Variants in EVA1C observed in about 807,000 individuals in gnomAD.
EVA1C encodes eva-1 homolog C.
EVA1C carries 25 observed loss-of-function variants against 45.4 expected under a neutral mutation model. The ratio of observed to expected loss-of-function variants is 0.55; its 90% confidence interval spans 0.40 to 0.77. The LOEUF (loss-of-function observed/expected upper bound fraction) is 0.77, where lower values mean the gene tolerates loss of function less well. Among genes scored for constraint, EVA1C ranks in the 30% least tolerant of loss-of-function variants. The probability of loss-of-function intolerance (pLI) is 0.00; values close to 1 mark genes in which losing one functional copy is unlikely to be tolerated. For synonymous variants in EVA1C, 190 were observed against 221.2 expected (o/e 0.86, Z 1.25); for missense variants, 479 against 554.8 (o/e 0.86, Z 1.37).
At chr21:32,433,738 C>T (rs1322150631) in intron 1 of EVA1C, among the ~76,000 whole-genome samples, 1 of 152,102 alleles carries the variant, frequency 6.6e-6, no homozygotes, top group Non-Finnish European at 1.5e-5. Flanking sequence ...CCACAAAAGA[C>T]TTCTTGGAGT....
intron 3 of EVA1C, among the ~76,000 whole-genome samples, chr21:32,460,324 G>A (rs902224023): frequency 1.1e-4 from 16 of 152,108 alleles, no homozygotes; most frequent in Non-Finnish European, 2.2e-4. Context: ...GGCTTTCTCT[G>A]TCCAAAAAAC....
intron 1 of EVA1C, among the ~76,000 whole-genome samples, chr21:32,419,293 A>G (rs1204687728): frequency 1.3e-5 from 2 of 152,162 alleles, no homozygotes; most frequent in Non-Finnish European, 2.9e-5. Context: ...GTAATGTACT[A>G]TGAGAGAACA....
chr21:32,456,045 A>T (rs2035769664), intron 2 of EVA1C, among the ~76,000 whole-genome samples: 1 of 152,092 alleles, frequency 6.6e-6, no homozygotes, highest in Admixed American at 6.5e-5. Context: ...GGTGCCCACC[A>T]CCACGCCTGC....
intron 4 of EVA1C, among the ~76,000 whole-genome samples, chr21:32,483,565 G>A (rs1479634004): frequency 6.6e-6 from 1 of 152,158 alleles, no homozygotes; most frequent in Non-Finnish European, 1.5e-5. Context: ...GCTGGGAAGA[G>A]CTGATCCAGG....
At chr21:32,494,853 C>T (rs1261405740) in intron 4 of EVA1C, among the ~76,000 whole-genome samples, 174 bp from the exon 5 acceptor site, 1 of 151,766 alleles carries the variant, frequency 6.6e-6, no homozygotes, top group Non-Finnish European at 1.5e-5. Context: ...AGGACAGGAT[C>T]ATGATGCTGG....
rs188312385 is a variant in EVA1C, at chr21:32,478,511, G to A, written c.634+10663G>A. ...GCTGGGATTTCAGGCATGAGCCACC[G>A]TGCCCAGCCTGATGTCTAATCTTGA... is the stretch of plus-strand genomic sequence containing the variant. On this transcript the variant is annotated intron_variant, in intron 4 of 7. Transcript: ENST00000300255. Among the ~76,000 whole-genome samples the A allele has an allele frequency of 2.2e-3, 329 of 152,294 alleles. 5 individuals are homozygous for A. Among genetic ancestry groups the A allele is most frequent in the East Asian group, 7.7e-4 (4 of 5,184 alleles).
chr21:32,459,253 C>T (rs1273189829), intron 3 of EVA1C, among the ~76,000 whole-genome samples: 1 of 152,150 alleles, frequency 6.6e-6, no homozygotes, highest in Non-Finnish European at 1.5e-5. Context: ...CATGTACAGA[C>T]AATCGCAAAT....
intron 1 of EVA1C, among the ~76,000 whole-genome samples, chr21:32,416,796 A>T: frequency 6.6e-6 from 1 of 152,186 alleles, no homozygotes; most frequent in Non-Finnish European, 1.5e-5. Flanking sequence ...AGTAGACATG[A>T]CCAAATGTTT....
At chr21:32,494,746 C>T (rs1420391885) in intron 4 of EVA1C, among the ~76,000 whole-genome samples, 1 of 150,140 alleles carries the variant, frequency 6.7e-6, no homozygotes, top group Non-Finnish European at 1.5e-5. Context: ...CGTGCCATTG[C>T]ACTCCAGCCT....
rs146014823 is a variant in EVA1C at position 32,412,920 on chromosome 21, C to A, written c.67C>A (p.Arg23=). Residue 23 remains arginine (R), a synonymous_variant, in exon 1 of 8, where the codon CGG becomes AGG. Coordinates refer to ENST00000300255, the MANE Select transcript of EVA1C (RefSeq NM_058187.5). ...GCCCGTGCAGCATCCCGGCCTCCGC[C>A]GGCAGGTAGAGCCGCCGGGGCAGCT... ...PQPVQHPGLR[R]QVEPPGQLLR... 4,873 of 1,526,036 alleles carry A rather than the reference C, an allele frequency of 3.2e-3. 139 individuals are homozygous for A. In the East Asian group the frequency reaches 0.054, roughly 17 times the overall value. The allele number at this position is 1,526,036 out of a possible 1,614,324, so 94.5% of individuals were successfully genotyped here.
chr21:32,439,753 G>T (rs775840188), intron 1 of EVA1C, among the ~76,000 whole-genome samples: 2 of 151,960 alleles, frequency 1.3e-5, no homozygotes, highest in Non-Finnish European at 2.9e-5. Flanking sequence ...TTGGTCAAGT[G>T]TACAGTAAAC....
At chr21:32,495,887 A>C (rs2037336361) in intron 5 of EVA1C, among the ~76,000 whole-genome samples, 1 of 152,204 alleles carries the variant, frequency 6.6e-6, no homozygotes, top group Non-Finnish European at 1.5e-5. Context: ...ATGGAAAGCA[A>C]AGAGCATTAT....
At chr21:32,502,099 CT>C (rs200505579) in intron 6 of EVA1C, among the ~76,000 whole-genome samples, 1,519 of 141,822 alleles carry the variant, frequency 0.011, 49 homozygotes, top group African/African-American at 0.038. Context: ...TCTTTCTTTC[CT>C]TACTTTTTCT....
intron 1 of EVA1C, among the ~76,000 whole-genome samples, chr21:32,436,664 G>A (rs1325249036): frequency 1.3e-5 from 2 of 152,250 alleles, no homozygotes; most frequent in Non-Finnish European, 2.9e-5. Flanking sequence ...AGCATCTCTC[G>A]CAGACTCCGT....
At chr21:32,449,340 G>A (rs1380991182) in intron 1 of EVA1C, among the ~76,000 whole-genome samples, 1 of 152,200 alleles carries the variant, frequency 6.6e-6, no homozygotes, top group Non-Finnish European at 1.5e-5. Context: ...TAGTTGCAAT[G>A]CCCAAAAAGT....
At chr21:32,466,941 G>A (rs531782964) in intron 3 of EVA1C, among the ~76,000 whole-genome samples, 26 of 152,010 alleles carry the variant, frequency 1.7e-4, no homozygotes, top group Non-Finnish European at 1.8e-4. Flanking sequence ...CTGGGATTAC[G>A]GGTGTGAGCC....
chr21:32,476,502 G>T (rs1221304620), intron 4 of EVA1C, among the ~76,000 whole-genome samples: 1 of 152,046 alleles, frequency 6.6e-6, no homozygotes, highest in East Asian at 1.9e-4. Context: ...TTAACCACAT[G>T]TGGTGGCGCA....
chr21:32,458,133 C>A (rs994182379), intron 3 of EVA1C, among the ~76,000 whole-genome samples: 2 of 152,158 alleles, frequency 1.3e-5, no homozygotes, highest in African/African-American at 4.8e-5. Context: ...GGCCCAGTGG[C>A]CCACTTGCCA....
At chr21:32,422,985 C>T (rs762748453) in intron 1 of EVA1C, among the ~76,000 whole-genome samples, 6 of 142,468 alleles carry the variant, frequency 4.2e-5, no homozygotes, top group African/African-American at 7.9e-5. Context: ...GCAGGAGAAT[C>T]GCTTGAACAT....
Sources: gnomAD v4.1 joint callset for allele counts (sites outside exome capture counted in the v4.1 genomes callset) on GRCh38, gnomAD v4.1.1 for gene constraint, MANE v1.5 for transcripts, NCBI Gene and HGNC (gene_info 2026-07-23, HGNC 2026-07-21) for gene names.